DENND3: variants seen among roughly 807,000 people sequenced by gnomAD.
DENND3 encodes the protein DENN domain-containing protein 3.
Under a neutral mutation model 135.1 loss-of-function variants are expected in DENND3, and 88 were observed. The ratio of observed to expected loss-of-function variants is 0.65; its 90% CI spans 0.55 to 0.78. DENND3 has a LOEUF of 0.78. Ranked by LOEUF, DENND3 falls within the 30% of genes least tolerant of loss-of-function variation. The pLI, the probability that DENND3 is intolerant of heterozygous loss-of-function variation, is 0.00. For missense variants in DENND3, 1,392 were observed against 1,688.4 expected (o/e 0.82, Z 3.08); for synonymous variants, 693 against 712.3 (o/e 0.97, Z 0.43).
chr8:141,152,914 G>A (rs1589596289), intron 7 of DENND3, among the ~76,000 whole-genome samples: 2 of 152,148 alleles, frequency 1.3e-5, no homozygotes, highest in Non-Finnish European at 2.9e-5. Flanking sequence ...AGCGCTGGTT[G>A]TTGTCTGCCA....
intron 1 of DENND3, among the ~76,000 whole-genome samples, chr8:141,132,350 C>A (rs1816224823): frequency 6.6e-6 from 1 of 151,968 alleles, no homozygotes; most frequent in Non-Finnish European, 1.5e-5. Flanking sequence ...TTTATTATTT[C>A]TATATTTATT....
chr8:141,185,375 T>A (rs1416614814), intron 18 of DENND3, 97 bp downstream of exon 18: 2 of 1,495,152 alleles, frequency 1.3e-6, no homozygotes, highest in Non-Finnish European at 1.8e-6. Flanking sequence ...ATACAAGCTA[T>A]TCCACAGCCT....
chr8:141,189,654 C>G (rs1407012193), intron 19 of DENND3, among the ~76,000 whole-genome samples: 2 of 152,196 alleles, frequency 1.3e-5, no homozygotes, highest in South Asian at 4.1e-4. Context: ...CCACTTGGTC[C>G]AGGCAGCCCC....
At chr8:141,156,377 A>G (rs1321553056) in intron 8 of DENND3, among the ~76,000 whole-genome samples, 1 of 152,148 alleles carries the variant, frequency 6.6e-6, no homozygotes, top group Non-Finnish European at 1.5e-5. Flanking sequence ...GGTGTGAGCC[A>G]CCGCACCTGG....
chr8:141,192,404 C>T lies in DENND3; in HGVS notation c.3453C>T (p.Phe1151=). The change falls in exon 21 of 23, where the codon TTC becomes TTT. Residue 1151 remains phenylalanine (F), a synonymous_variant. Transcript: ENST00000519811. ...AAGAATTGAAGATTGAGGAGAACTT[C>T]AAAGACACCAGTACCTCCTTCCTGG... ...LHQELKIEEN[F]KDTSTSFLAF... The T allele has an allele frequency of 6.2e-7, 1 of 1,614,238 alleles. No homozygotes were observed. Among genetic ancestry groups the T allele is most frequent in the Non-Finnish European group, 8.5e-7 (1 of 1,180,040 alleles).
chr8:141,184,375 G>A (rs2154613455), intron 17 of DENND3: 1 of 152,412 alleles, frequency 6.6e-6, no homozygotes, highest in Admixed American at 6.5e-5. Context: ...GTGGGAGGGT[G>A]GCCAGAGCCC....
intron 1 of DENND3, chr8:141,129,826 G>A (rs1257550951): frequency 6.6e-6 from 1 of 152,288 alleles, no homozygotes; most frequent in African/African-American, 2.4e-5. Context: ...CCAGATGAAT[G>A]TCTGTGAGTG....
intron 22 of DENND3, 175 bp from the exon 23 acceptor site, chr8:141,193,858 C>T (rs949579391): frequency 4.3e-5 from 29 of 672,122 alleles, no homozygotes; most frequent in East Asian, 1.9e-4. Flanking sequence ...GTTCTAAGCC[C>T]GAGAAGGGTC....
At position 141,136,794 on chromosome 8, in the gene DENND3, A is replaced by G. The variant is rs1026693722; in HGVS notation, c.385+3A>G. On this transcript the variant is annotated splice_donor_region_variant and intron_variant, in intron 2 of 22. Transcript: ENST00000519811. Reference sequence around the variant, plus strand: ...CCTGCCGCAGCTGTGCTTCCCAGGTATGTCTAGGAGGTGGGCACCACTGGG... The same window carrying G: ...CCTGCCGCAGCTGTGCTTCCCAGGTGTGTCTAGGAGGTGGGCACCACTGGG... The G allele has an allele frequency of 7.0e-6, 11 of 1,566,744 alleles. No individual in the cohort carries two copies. The highest frequency in any genetic ancestry group is 3.9e-5 in the Admixed American group (2 of 51,910).
intron 13 of DENND3, among the ~76,000 whole-genome samples, chr8:141,170,410 T>C (rs1287056165): frequency 1.3e-5 from 2 of 152,072 alleles, no homozygotes; most frequent in Non-Finnish European, 2.9e-5. Flanking sequence ...AAAATGTGTA[T>C]GTGTGTATAT....
chr8:141,149,102 G>C (rs1331440262), intron 5 of DENND3, among the ~76,000 whole-genome samples: 3 of 152,036 alleles, frequency 2.0e-5, no homozygotes, highest in Admixed American at 1.3e-4. Context: ...TAGAGACAAG[G>C]TTTCTCCATG....
Position 141,175,511 on chromosome 8 carries a change from A to T in DENND3, c.2535+52A>T. ...CAGACCCCACCTGTGTTTAGGAGAC[A>T]GATGGCTGGAGTGGGCCCTGAGCAG... On this transcript the variant is annotated intron_variant, in intron 14 of 22. Coordinates refer to ENST00000519811, the MANE Select transcript of DENND3 (RefSeq NM_001352890.3). This position sits in a 1 kb window ranked among gnomAD's most constrained non-coding sequence, Gnocchi z 5.4. 6.2e-7 allele frequency: 1 copy of T among 1,612,702 alleles called. No homozygotes were observed. The highest frequency in any genetic ancestry group is 8.5e-7 in the Non-Finnish European group (1 of 1,179,996).
intron 11 of DENND3, among the ~76,000 whole-genome samples, chr8:141,165,812 G>A (rs2154613153): frequency 6.6e-6 from 1 of 152,206 alleles, no homozygotes; most frequent in South Asian, 2.1e-4. Flanking sequence ...ATGTTAGCAT[G>A]CTCCCCGTGG....
At chr8:141,150,210 G>A in intron 5 of DENND3, 1 of 783,892 alleles carries the variant, frequency 1.3e-6, no homozygotes, top group East Asian at 7.4e-5. Context: ...GCTGTTTGCA[G>A]CCCATTTCCT....
At chr8:141,157,785 G>T (rs1320429447) in intron 8 of DENND3, 39 of 976,734 alleles carry the variant, frequency 4.0e-5, no homozygotes, top group Non-Finnish European at 4.5e-5. Flanking sequence ...TTGGAGACAG[G>T]GTCTTGCTCT....
At chr8:141,147,583 G>A (rs369473154) in intron 5 of DENND3, among the ~76,000 whole-genome samples, 23 of 152,322 alleles carry the variant, frequency 1.5e-4, no homozygotes, top group African/African-American at 4.8e-4. Context: ...CACTCTCAGC[G>A]GTCAGGTCTT....
rs545453574 is a variant in DENND3 at position 141,182,835 on chromosome 8, G to C, written c.2944+1981G>C. ...AGGAGTTAGGAGAACCAGCCCTGAG[G>C]CCAGGCCACAGGTCAGCTCAGGCTC... On this transcript the variant is annotated intron_variant, in intron 17 of 22. Coordinates refer to ENST00000519811, the MANE Select transcript of DENND3 (RefSeq NM_001352890.3). This position sits in a 1 kb window ranked among gnomAD's most constrained non-coding sequence, Gnocchi z 5.9. 6.6e-6 allele frequency among the ~76,000 whole-genome samples: 1 copy of C among 152,210 alleles called. No individual in the cohort carries two copies. The highest frequency in any genetic ancestry group is 1.9e-4 in the East Asian group (1 of 5,188).
chr8:141,144,269 A>T lies in DENND3; in HGVS notation c.735+10A>T. 6.3e-7 allele frequency: 1 copy of T among 1,592,980 alleles called. No homozygotes were observed. Among genetic ancestry groups the T allele is most frequent in the Non-Finnish European group, 8.5e-7 (1 of 1,170,616 alleles). On this transcript the variant is annotated intron_variant, in intron 5 of 22. Transcript: ENST00000519811. This position sits in a 1 kb window ranked among gnomAD's most constrained non-coding sequence, Gnocchi z 4.4. ...TGGACCGCTCCATTTGGTAAAGTATATCTGAAATTATATTGTTTTTTCTTT... is the reference window on the plus strand; with the variant it reads ...TGGACCGCTCCATTTGGTAAAGTATTTCTGAAATTATATTGTTTTTTCTTT...
chr8:141,190,459 C>T (rs188271885), intron 20 of DENND3, 42 bp downstream of exon 20: 1 of 1,555,508 alleles, frequency 6.4e-7, no homozygotes, highest in African/African-American at 1.4e-5. Context: ...CCCTACCTCC[C>T]TGCTCTGGGA....
Sources: gnomAD v4.1 joint callset for allele counts (sites outside exome capture counted in the v4.1 genomes callset) on GRCh38, gnomAD v4.1.1 for gene constraint, Gnocchi (gnomAD v3.1) non-coding constraint, MANE v1.5 for transcripts, NCBI Gene and HGNC (gene_info 2026-07-23, HGNC 2026-07-21) for gene names.